The following CDC5L variants were observed in gnomAD, a reference collection of about 807,000 sequenced individuals.
CDC5L encodes the protein cell division cycle 5-like protein.
CDC5L carries 18 observed loss-of-function variants against 104.1 expected under a neutral mutation model. That is an observed-to-expected ratio of 0.17 (90% CI 0.12 to 0.26). The LOEUF (loss-of-function observed/expected upper bound fraction) is 0.26, where lower values mean the gene tolerates loss of function less well. Among genes scored for constraint, CDC5L ranks in the 10% least tolerant of loss-of-function variants. The probability of loss-of-function intolerance (pLI) is 1.00; values close to 1 mark genes in which losing one functional copy is unlikely to be tolerated. For synonymous variants in CDC5L, 331 were observed against 322.7 expected, an observed-to-expected ratio of 1.03 and a Z score of -0.28; for missense variants, 673 against 956.9, an observed-to-expected ratio of 0.70 and a Z score of 3.91.
intron 8 of CDC5L, among the ~76,000 whole-genome samples, chr6:44,412,289 A>G (rs1310739978): frequency 7.4e-6 from 1 of 135,696 alleles, no homozygotes; most frequent in Non-Finnish European, 1.5e-5. Flanking sequence ...TGTGACAGAT[A>G]GGAATAACCT....
At chr6:44,398,026 C>T (rs1341058658) in intron 5 of CDC5L, among the ~76,000 whole-genome samples, 1 of 152,156 alleles carries the variant, frequency 6.6e-6, no homozygotes, top group African/African-American at 2.4e-5. Flanking sequence ...GCTGATTCTT[C>T]TTGACCTGAT....
intron 8 of CDC5L, among the ~76,000 whole-genome samples, chr6:44,418,170 G>A (rs1791989163): frequency 2.0e-5 from 3 of 151,048 alleles, no homozygotes; most frequent in South Asian, 4.2e-4. Context: ...AACAGTCCCC[G>A]GAGTGTGATG....
In CDC5L at chr6:44,430,234, G is replaced by T. The variant is rs369307769; in HGVS notation, c.2091+324G>T. On this transcript the variant is annotated intron_variant, in intron 14 of 15. Coordinates refer to ENST00000371477, the MANE Select transcript of CDC5L (RefSeq NM_001253.4). ...CAATACTAGTCACTCAGAACAGGCA[G>T]GTCATTGCTAGCATAGCCTGTTTTC... 2.9e-4 allele frequency among the ~76,000 whole-genome samples: 44 copies of T among 151,984 alleles called. No individual in the cohort carries two copies. In the East Asian group the frequency reaches 7.9e-3, roughly 27 times the overall value.
chr6:44,394,057 G>A (rs1419343449), intron 4 of CDC5L, among the ~76,000 whole-genome samples: 5 of 152,146 alleles, frequency 3.3e-5, no homozygotes, highest in South Asian at 2.1e-4. Context: ...TCTGAACAGC[G>A]CCCCTTCATC....
chr6:44,397,236 A>G (rs920672908), intron 5 of CDC5L, among the ~76,000 whole-genome samples: 1 of 152,238 alleles, frequency 6.6e-6, no homozygotes, highest in Non-Finnish European at 1.5e-5. Flanking sequence ...GAAGAGTCCC[A>G]GGATTTTAGG....
rs2153384671 is a variant in CDC5L at position 44,445,718 on chromosome 6, A to G, written c.2155A>G (p.Ile719Val). 1 of 1,614,024 alleles carries G rather than the reference A, an allele frequency of 6.2e-7. No homozygotes were observed. Among genetic ancestry groups the G allele is most frequent in the East Asian group, 2.2e-5 (1 of 44,860 alleles). ...TGCAAAGATGGAAAAGAAGATGAAA[A>G]TTTTGCTTGGGGGTTACCAGTCTCG... ...RAAKMEKKMK[I>V]LLGGYQSRAM... Residue 719 changes from isoleucine to valine, a missense_variant, in exon 15 of 16, where the codon ATT becomes GTT. Around this residue, in one of 4 missense-constraint regions of CDC5L, gnomAD observed 578 missense variants for 737.0 expected, o/e 0.78. Transcript: ENST00000371477.
At chr6:44,428,103 TTC>T (rs765358734) in intron 13 of CDC5L, among the ~76,000 whole-genome samples, 3 of 152,246 alleles carry the variant, frequency 2.0e-5, no homozygotes, top group Non-Finnish European at 4.4e-5. Context: ...CTTAGCCATA[TTC>T]TCTCGTAATG....
At chr6:44,409,279 TA>T (rs1235136379) in intron 8 of CDC5L, among the ~76,000 whole-genome samples, 8 of 152,260 alleles carry the variant, frequency 5.3e-5, no homozygotes, top group Admixed American at 5.2e-4. Context: ...AGATCTTTGT[TA>T]CTCATTGACC....
chr6:44,421,195 C>A (rs968963392), intron 9 of CDC5L, among the ~76,000 whole-genome samples: 1 of 152,186 alleles, frequency 6.6e-6, no homozygotes, highest in African/African-American at 2.4e-5. Context: ...ATTTTTAATG[C>A]ATTTCGAAGT....
intron 8 of CDC5L, among the ~76,000 whole-genome samples, chr6:44,413,849 C>T (rs1030400549): frequency 6.6e-6 from 1 of 152,098 alleles, no homozygotes; most frequent in Non-Finnish European, 1.5e-5. Context: ...CCTCCCAAAA[C>T]GCTGGGATTA....
At chr6:44,426,316 TC>T in intron 12 of CDC5L, 133 bp downstream of exon 12, 1 of 777,604 alleles carries the variant, frequency 1.3e-6, no homozygotes, top group Non-Finnish European at 2.1e-6. Context: ...AGTTCTCAAA[TC>T]CAATCTTTAA....
intron 14 of CDC5L, among the ~76,000 whole-genome samples, chr6:44,445,172 G>A (rs555483075): frequency 2.0e-5 from 3 of 152,196 alleles, no homozygotes; most frequent in African/African-American, 4.8e-5. Context: ...AGGAAGACTT[G>A]CACTAGATCC....
rs79412678 is a variant in CDC5L, at chr6:44,423,031, G to A, written c.1404+222G>A. 7.7e-3 allele frequency among the ~76,000 whole-genome samples: 1,177 copies of A among 152,180 alleles called. 8 individuals are homozygous for A. Among genetic ancestry groups the A allele is most frequent in the Non-Finnish European group, 0.013 (859 of 67,992 alleles). ...ACTAGGTTTGTGAATATTGATGTTC[G>A]TTGTTGATTTCACTGAAGTTTTCTT... On this transcript the variant is annotated intron_variant, in intron 10 of 15. Transcript: ENST00000371477.
intron 14 of CDC5L, among the ~76,000 whole-genome samples, chr6:44,441,983 C>T (rs1793216338): frequency 7.4e-6 from 1 of 135,540 alleles, no homozygotes; most frequent in African/African-American, 2.8e-5. Context: ...TGTCGCCAGG[C>T]TGGAGTGCAG....
chr6:44,428,539 A>G (rs992470726), intron 13 of CDC5L, among the ~76,000 whole-genome samples: 4 of 152,166 alleles, frequency 2.6e-5, no homozygotes, highest in African/African-American at 9.7e-5. Flanking sequence ...CTTAATCCTA[A>G]TAACAAACAC....
chr6:44,428,773 C>CT (rs1792540289), intron 13 of CDC5L, among the ~76,000 whole-genome samples: 1 of 152,190 alleles, frequency 6.6e-6, no homozygotes, highest in South Asian at 2.1e-4. Flanking sequence ...GATCTATCAT[C>CT]TAATTCGTGC....
rs1453172238 is a variant in CDC5L, at chr6:44,406,316, A to G, written c.759-7A>G. The G allele has an allele frequency of 6.3e-7, 1 of 1,595,408 alleles. No individual in the cohort carries two copies. The highest frequency in any genetic ancestry group is 8.6e-7 in the Non-Finnish European group (1 of 1,168,822). ...AAAAATCTCTTTTCTACTTTGATCCATGACAGTGAAAAAGAAGGAAGAGAT... is the reference window on the plus strand; with the variant it reads ...AAAAATCTCTTTTCTACTTTGATCCGTGACAGTGAAAAAGAAGGAAGAGAT... On this transcript the variant is annotated splice_polypyrimidine_tract_variant and splice_region_variant and intron_variant, in intron 6 of 15. Transcript: ENST00000371477.
chr6:44,421,594 G>T (rs768982752), intron 9 of CDC5L, among the ~76,000 whole-genome samples: 1 of 152,166 alleles, frequency 6.6e-6, no homozygotes, highest in Non-Finnish European at 1.5e-5. Context: ...CTCTGTATCT[G>T]AGGATTCCAC....
At chr6:44,387,910 C>T (rs755332752) in intron 1 of CDC5L, 42 bp downstream of exon 1, 203 of 1,547,894 alleles carry the variant, frequency 1.3e-4, no homozygotes, top group Non-Finnish European at 1.7e-4. Flanking sequence ...GCCGCTCCCT[C>T]TAGCAGCTTG....
Sources: gnomAD v4.1 joint callset for allele counts (sites outside exome capture counted in the v4.1 genomes callset) on GRCh38, gnomAD v4.1.1 for gene constraint, gnomAD v4.1.1 regional missense constraint, MANE v1.5 for transcripts, NCBI Gene and HGNC (gene_info 2026-07-23, HGNC 2026-07-21) for gene names.